The following CTNNA3 variants were observed in gnomAD, a reference collection of about 807,000 sequenced individuals.
CTNNA3 encodes catenin alpha-3.
In CTNNA3, 76 loss-of-function variants were observed where a neutral mutation model predicts 95.7. The ratio of observed to expected loss-of-function variants is 0.79; its 90% CI spans 0.66 to 0.96. The LOEUF (loss-of-function observed/expected upper bound fraction) is 0.96, where lower values mean the gene tolerates loss of function less well. Among genes scored for constraint, CTNNA3 ranks in the 40% least tolerant of loss-of-function variants. The pLI is 0.00. For missense variants in CTNNA3, 1,191 were observed against 1,089.8 expected, an observed-to-expected ratio of 1.09 and a Z score of -1.31; for synonymous variants, 431 against 374.4, an observed-to-expected ratio of 1.15 and a Z score of -1.74.
chr10:66,663,069 G>A (rs757782503), intron 9 of CTNNA3, among the ~76,000 whole-genome samples: 1 of 151,672 alleles, frequency 6.6e-6, no homozygotes, highest in African/African-American at 2.4e-5. Context: ...CACATTCTTC[G>A]TCCTCACCTT....
chr10:67,255,199 G>A (rs535594855), intron 5 of CTNNA3, among the ~76,000 whole-genome samples: 83 of 152,222 alleles, frequency 5.5e-4, no homozygotes, highest in African/African-American at 2.0e-3. Flanking sequence ...GGGGGCTGAG[G>A]CAGGAGAATC....
chr10:67,136,038 T>G (rs1403989887), intron 7 of CTNNA3, among the ~76,000 whole-genome samples: 1 of 152,164 alleles, frequency 6.6e-6, no homozygotes, highest in Non-Finnish European at 1.5e-5. Flanking sequence ...ATTTTAACTT[T>G]TCCTTTATTT....
At chr10:67,421,529 G>T (rs1021658443) in intron 5 of CTNNA3, among the ~76,000 whole-genome samples, 1 of 152,084 alleles carries the variant, frequency 6.6e-6, no homozygotes, top group African/African-American at 2.4e-5. Context: ...CTTTCCCATT[G>T]TCACATGGGG....
chr10:66,386,676 A>G (rs1050775946), intron 11 of CTNNA3, among the ~76,000 whole-genome samples: 2 of 152,198 alleles, frequency 1.3e-5, no homozygotes, highest in African/African-American at 4.8e-5. Context: ...TGGAGGCATC[A>G]TGCTACTTGA....
chr10:66,570,199 AC>A (rs1057066518), intron 10 of CTNNA3, among the ~76,000 whole-genome samples: 2 of 152,062 alleles, frequency 1.3e-5, no homozygotes, highest in African/African-American at 4.8e-5. Context: ...TCTCCACATT[AC>A]CCCTGAGACC....
intron 15 of CTNNA3, among the ~76,000 whole-genome samples, chr10:66,053,230 A>G (rs2080000637): frequency 6.6e-6 from 1 of 151,992 alleles, no homozygotes; most frequent in African/African-American, 2.4e-5. Context: ...TAAATATCAG[A>G]TTAATTCAAT....
At chr10:67,727,405 T>C (rs1021577965) in intron 1 of CTNNA3, among the ~76,000 whole-genome samples, 10 of 133,818 alleles carry the variant, frequency 7.5e-5, no homozygotes, top group East Asian at 2.1e-4. Context: ...TATAATATGA[T>C]ACGTAAGCTG....
chr10:66,743,782 C>T (rs1849405932), intron 9 of CTNNA3, among the ~76,000 whole-genome samples: 1 of 151,888 alleles, frequency 6.6e-6, no homozygotes, highest in Non-Finnish European at 1.5e-5. Flanking sequence ...TGGAGACCAT[C>T]CTGGTCAACA....
chr10:66,996,875 G>A (rs144019213), intron 7 of CTNNA3, among the ~76,000 whole-genome samples: 9 of 152,102 alleles, frequency 5.9e-5, no homozygotes, highest in African/African-American at 1.9e-4. Flanking sequence ...ATCTGTAAAT[G>A]TTCAGCAATT....
chr10:67,527,417 T>G (rs1170661628), intron 4 of CTNNA3, among the ~76,000 whole-genome samples: 1 of 152,052 alleles, frequency 6.6e-6, no homozygotes, highest in Admixed American at 6.5e-5. Flanking sequence ...AAGGAAAAAA[T>G]TAATCTTGTT....
rs538926380 is a variant in CTNNA3 at position 67,521,881 on chromosome 10, C to T, written c.540G>A (p.Glu180=). Residue 180 remains glutamate, a synonymous_variant, in exon 5 of 18, where the codon GAG becomes GAA. Coordinates refer to ENST00000433211, the MANE Select transcript of CTNNA3 (RefSeq NM_013266.4). ...AGGCTAAATAATCCAAATTTTCCAGCTCCTTCCCAAGCTTCTGGTAGGTTT... is the reference window on the plus strand; with the variant it reads ...AGGCTAAATAATCCAAATTTTCCAGTTCCTTCCCAAGCTTCTGGTAGGTTT... ...LQKTYQKLGK[E]LENLDYLAFK... The T allele has an allele frequency of 9.9e-6, 16 of 1,612,748 alleles. 1 individual carries two copies. The highest frequency in any genetic ancestry group is 9.9e-5 in the South Asian group (9 of 90,856).
chr10:66,210,390 G>A (rs768071776), intron 13 of CTNNA3, among the ~76,000 whole-genome samples: 1 of 151,308 alleles, frequency 6.6e-6, no homozygotes, highest in Non-Finnish European at 1.5e-5. Context: ...TGAGTCCAGG[G>A]TTCTTGCATT....
chr10:67,382,824 G>A (rs537679549), intron 5 of CTNNA3, among the ~76,000 whole-genome samples: 2 of 152,212 alleles, frequency 1.3e-5, no homozygotes, highest in South Asian at 2.1e-4. Context: ...TGATGAAAGC[G>A]GGAACAAGAG....
At chr10:67,197,848 T>C (rs1863449125) in intron 6 of CTNNA3, among the ~76,000 whole-genome samples, 1 of 152,154 alleles carries the variant, frequency 6.6e-6, no homozygotes, top group Admixed American at 6.6e-5. Context: ...GTGTTTAAAA[T>C]TTTACTTTAG....
chr10:66,742,407 A>C (rs546610078), intron 9 of CTNNA3, among the ~76,000 whole-genome samples: 6 of 152,156 alleles, frequency 3.9e-5, no homozygotes, highest in Admixed American at 1.3e-4. Context: ...TATCAATTTT[A>C]ATTTCGCCCA....
intron 7 of CTNNA3, among the ~76,000 whole-genome samples, chr10:66,940,530 G>C (rs1847943669): frequency 6.6e-6 from 1 of 152,146 alleles, no homozygotes; most frequent in Admixed American, 6.5e-5. Flanking sequence ...AATAAAAGAA[G>C]TCCAGTGGTT....
chr10:66,707,452 C>T (rs938777667), intron 9 of CTNNA3, among the ~76,000 whole-genome samples: 3 of 151,882 alleles, frequency 2.0e-5, no homozygotes, highest in Non-Finnish European at 2.9e-5. Context: ...GCAGGGCTCC[C>T]TCTTACACTC....
At chr10:67,743,787 A>G (rs1255784278) in intron 1 of CTNNA3, among the ~76,000 whole-genome samples, 1 of 151,274 alleles carries the variant, frequency 6.6e-6, no homozygotes, top group Non-Finnish European at 1.5e-5. Flanking sequence ...TTAAGCTGAT[A>G]AGCAACTTCA....
chr10:67,067,631 G>A (rs989413018), intron 7 of CTNNA3, among the ~76,000 whole-genome samples: 3 of 152,150 alleles, frequency 2.0e-5, no homozygotes, highest in Non-Finnish European at 4.4e-5. Context: ...TTTCCTTAGA[G>A]TACATCCTAG....
Sources: gnomAD v4.1 joint callset for allele counts (sites outside exome capture counted in the v4.1 genomes callset) on GRCh38, gnomAD v4.1.1 for gene constraint, MANE v1.5 for transcripts, NCBI Gene and HGNC (gene_info 2026-07-23, HGNC 2026-07-21) for gene names.